Variants in STS observed in about 807,000 individuals in gnomAD.
The protein encoded by STS is steroid sulfatase, also known as steryl-sulfatase.
Under a neutral mutation model 26.8 loss-of-function variants are expected in STS, and 7 were observed. The observed-to-expected ratio is 0.26, with a 90% CI of 0.15 to 0.49. The LOEUF (loss-of-function observed/expected upper bound fraction) is 0.49. Among genes scored for constraint, STS ranks in the 20% least tolerant of loss-of-function variants. STS has a pLI of 0.98. For synonymous variants in STS, 199 were observed against 189.4 expected (o/e 1.05, Z -0.42); for missense variants, 434 against 465.6 (o/e 0.93, Z 0.63).
chrX:7,322,549 C>T (rs184379642), intron 8 of STS, among the ~76,000 whole-genome samples: 4,325 of 111,349 alleles, frequency 0.039, 191 homozygotes, highest in African/African-American at 0.13. Flanking sequence ...TATAGGCGTG[C>T]GCCACCACGC....
chrX:7,240,317 T>C (rs1922531969), intron 2 of STS, among the ~76,000 whole-genome samples: 1 of 108,563 alleles, frequency 9.2e-6, no homozygotes, highest in African/African-American at 3.4e-5. Flanking sequence ...AATCATTTTG[T>C]GATTCAGAGA....
At chrX:7,347,901 C>A (rs139609630) in intron 10 of STS, among the ~76,000 whole-genome samples, 3 of 111,643 alleles carry the variant, frequency 2.7e-5, no homozygotes, top group Admixed American at 9.5e-5. Context: ...TGGGATGAGA[C>A]GAGTGGATGG....
chrX:7,170,246 A>G (rs2146997368), intron 1 of STS, among the ~76,000 whole-genome samples: 1 of 109,771 alleles, frequency 9.1e-6, no homozygotes, highest in South Asian at 4.1e-4. Flanking sequence ...ATATACAGGC[A>G]GGAGGTAGGA....
intron 1 of STS, among the ~76,000 whole-genome samples, chrX:7,182,352 T>C (rs1371933675): frequency 9.2e-6 from 1 of 108,937 alleles, no homozygotes; most frequent in Non-Finnish European, 1.9e-5. Context: ...CGAATTCTGT[T>C]CCCCTGGCCT....
chrX:7,220,543 A>AT (rs769097559), intron 2 of STS, among the ~76,000 whole-genome samples: 3,135 of 64,904 alleles, frequency 0.048, 278 homozygotes, highest in African/African-American at 0.16. Flanking sequence ...TGGATGTCAG[A>AT]TTTTTTTTTT....
At position 7,334,121 on chromosome X, in the gene STS, C is replaced by T; in HGVS notation, c.1363+14C>T. The stretch of plus-strand genomic sequence containing the variant: ...ACCCTCAGAACAGTGAGTAAACAGA[C>T]CTTTCCACGCTCCTCATGCTCCGTG... On this transcript the variant is annotated intron_variant, in intron 10 of 10. Coordinates refer to ENST00000674429, the MANE Select transcript of STS (RefSeq NM_001320752.2). The T allele has an allele frequency of 8.3e-7, 1 of 1,211,250 alleles. No homozygotes were observed. Among genetic ancestry groups the T allele is most frequent in the Non-Finnish European group, 1.1e-6 (1 of 895,171 alleles).
intron 10 of STS, among the ~76,000 whole-genome samples, chrX:7,335,143 A>G (rs1034279458): frequency 3.6e-5 from 4 of 112,408 alleles, no homozygotes; most frequent in African/African-American, 1.3e-4. Flanking sequence ...TGGCTGGATC[A>G]AATGGTATTT....
intron 1 of STS, among the ~76,000 whole-genome samples, chrX:7,168,027 G>T (rs1292430418): frequency 1.8e-5 from 2 of 111,230 alleles, no homozygotes; most frequent in Non-Finnish European, 3.8e-5. Context: ...AAAGTCAGCT[G>T]ATTAGGCACC....
intron 1 of STS, among the ~76,000 whole-genome samples, chrX:7,149,765 T>G (rs1409010671): frequency 1.8e-5 from 2 of 111,772 alleles, no homozygotes; most frequent in African/African-American, 6.5e-5. Context: ...CTATTCCAGG[T>G]CTTTCTCCTC....
chrX:7,240,531 GTGTA>G (rs1225772887), intron 2 of STS, among the ~76,000 whole-genome samples: 42 of 57,690 alleles, frequency 7.3e-4, no homozygotes, highest in African/African-American at 2.6e-3. Flanking sequence ...GTGTGTGTGT[GTGTA>G]TATATATATA....
intron 8 of STS, among the ~76,000 whole-genome samples, chrX:7,309,387 A>C (rs1299816896): frequency 9.1e-6 from 1 of 109,734 alleles, no homozygotes; most frequent in Non-Finnish European, 1.9e-5. Context: ...ACTGGGGTCT[A>C]TTTGAGAGGG....
intron 1 of STS, among the ~76,000 whole-genome samples, chrX:7,177,272 G>A (rs1303132386): frequency 1.8e-5 from 2 of 110,814 alleles, no homozygotes; most frequent in Non-Finnish European, 3.8e-5. Context: ...AAAATCTTTT[G>A]TGGGTGAGCC....
intron 1 of STS, among the ~76,000 whole-genome samples, chrX:7,181,587 C>T (rs1388273272): frequency 1.8e-5 from 2 of 111,835 alleles, no homozygotes; most frequent in African/African-American, 6.5e-5. Flanking sequence ...GACTGTGAAC[C>T]TGGGCATCCC....
chrX:7,204,661 C>T (rs1444737463), intron 2 of STS, among the ~76,000 whole-genome samples: 8 of 103,571 alleles, frequency 7.7e-5, no homozygotes, highest in African/African-American at 2.8e-4. Context: ...CTCCTGCCTT[C>T]CTCCTTCCTT....
intron 1 of STS, among the ~76,000 whole-genome samples, chrX:7,171,882 C>T (rs185910686): frequency 9.0e-6 from 1 of 111,696 alleles, no homozygotes; most frequent in African/African-American, 3.3e-5. Flanking sequence ...CATTTCTTTT[C>T]TTTAAATAAT....
chrX:7,178,211 C>G (rs951409538), intron 1 of STS, among the ~76,000 whole-genome samples: 1 of 112,279 alleles, frequency 8.9e-6, no homozygotes, highest in Non-Finnish European at 1.9e-5. Context: ...ATAAACAAAT[C>G]AGAATGTTCT....
chrX:7,296,905 G>T (rs1381327492), intron 7 of STS, among the ~76,000 whole-genome samples: 1 of 111,784 alleles, frequency 8.9e-6, no homozygotes, highest in African/African-American at 3.3e-5. Context: ...CACAATATAA[G>T]AATTAATTAC....
At chrX:7,176,695 G>A (rs757343153) in intron 1 of STS, among the ~76,000 whole-genome samples, 2 of 111,616 alleles carry the variant, frequency 1.8e-5, no homozygotes, top group South Asian at 7.6e-4. Context: ...ACCGAGTGAA[G>A]GAGGAAGCCC....
At chrX:7,216,542 G>A (rs1921320278) in intron 2 of STS, among the ~76,000 whole-genome samples, 1 of 112,007 alleles carries the variant, frequency 8.9e-6, no homozygotes, top group African/African-American at 3.2e-5. Flanking sequence ...AACAAGGCTA[G>A]AAAACATAAC....
Sources: allele counts gnomAD v4.1 joint callset (sites outside exome capture counted in the v4.1 genomes callset), GRCh38; gene constraint gnomAD v4.1.1; transcripts MANE v1.5; gene names NCBI Gene and HGNC (gene_info 2026-07-23, HGNC 2026-07-21).